ZNF420: variants seen among roughly 807,000 people sequenced by gnomAD.
ZNF420 encodes the protein ATM and p53-associated KZNF protein.
Under a neutral mutation model 44.7 loss-of-function variants are expected in ZNF420, and 31 were observed. The ratio of observed to expected loss-of-function variants is 0.69; its 90% CI spans 0.52 to 0.94. The LOEUF is 0.94. ZNF420 is among the 40% of genes least tolerant of loss of function. ZNF420 has a pLI of 0.00. For missense variants in ZNF420, 681 were observed against 827.9 expected, an observed-to-expected ratio of 0.82 and a Z score of 2.18; for synonymous variants, 245 against 267.4, an observed-to-expected ratio of 0.92 and a Z score of 0.82.
intron 1 of ZNF420, among the ~76,000 whole-genome samples, chr19:37,012,243 T>C (rs1462060900): frequency 6.6e-6 from 1 of 152,168 alleles, no homozygotes; most frequent in African/African-American, 2.4e-5. Flanking sequence ...TGGATCCAGG[T>C]GCCCTCCTAC....
chr19:37,060,551 A>T (rs932922931), intron 1 of ZNF420, among the ~76,000 whole-genome samples: 4 of 152,034 alleles, frequency 2.6e-5, no homozygotes, highest in African/African-American at 9.7e-5. Flanking sequence ...TTCCCAGTCC[A>T]TCAGGGAGAA....
intron 1 of ZNF420, among the ~76,000 whole-genome samples, chr19:37,051,930 C>A (rs1393862019): frequency 6.6e-6 from 1 of 152,156 alleles, no homozygotes; most frequent in African/African-American, 2.4e-5. Flanking sequence ...TTTTTGTTCT[C>A]ATTGGTTTCA....
chr19:37,044,035 T>C (rs1440506374), intron 1 of ZNF420, among the ~76,000 whole-genome samples: 1 of 152,124 alleles, frequency 6.6e-6, no homozygotes, highest in African/African-American at 2.4e-5. Flanking sequence ...TAGTCCCAGT[T>C]TTAAATTTTT....
intron 1 of ZNF420, among the ~76,000 whole-genome samples, chr19:37,045,800 T>C (rs1301309474): frequency 2.0e-5 from 3 of 152,188 alleles, no homozygotes; most frequent in Non-Finnish European, 2.9e-5. Flanking sequence ...CCTAAAACAG[T>C]GGTTGGCCCA....
chr19:37,123,808 G>A (rs183213980), intron 4 of ZNF420, among the ~76,000 whole-genome samples: 4 of 151,088 alleles, frequency 2.6e-5, no homozygotes, highest in South Asian at 2.1e-4. Flanking sequence ...GGGGTTTCAC[G>A]AGTGTTAGCC....
chr19:37,127,120 T>C lies in ZNF420; in HGVS notation c.137-8T>C, dbSNP rs753947570. On this transcript the variant is annotated splice_polypyrimidine_tract_variant and splice_region_variant and intron_variant, in intron 4 of 4. Transcript: ENST00000337995. ...TTCTCAATTTTTTTATTCTCTCTTA[T>C]CTTTCAGACTTGCCTTCAAGGTGTG... is the stretch of plus-strand genomic sequence containing the variant. 3 of 1,456,900 alleles carry C rather than the reference T, an allele frequency of 2.1e-6. No homozygotes were observed. Among genetic ancestry groups the C allele is most frequent in the Non-Finnish European group, 2.7e-6 (3 of 1,102,504 alleles). The allele number at this position is 1,456,900 out of a possible 1,614,324, so 90.2% of individuals were successfully genotyped here.
intron 1 of ZNF420, among the ~76,000 whole-genome samples, chr19:37,039,004 AAAAG>A (rs1245354537): frequency 6.6e-6 from 1 of 151,744 alleles, no homozygotes; most frequent in African/African-American, 2.4e-5. Flanking sequence ...AAAAGAAAAG[AAAAG>A]AAAAAAGATT....
At chr19:37,019,526 A>G (rs1210830271) in intron 1 of ZNF420, among the ~76,000 whole-genome samples, 3 of 151,646 alleles carry the variant, frequency 2.0e-5, no homozygotes, top group Admixed American at 1.3e-4. Flanking sequence ...TGTAATCCCA[A>G]CACTTGGGGA....
chr19:37,096,902 CT>C (rs1320093092), intron 4 of ZNF420, among the ~76,000 whole-genome samples: 422 of 141,916 alleles, frequency 3.0e-3, no homozygotes, highest in East Asian at 0.012. Flanking sequence ...TTTTCTTATT[CT>C]TTTTTTTTTT....
chr19:37,102,016 G>A (rs200474412), intron 4 of ZNF420, among the ~76,000 whole-genome samples: 1 of 152,214 alleles, frequency 6.6e-6, no homozygotes, highest in African/African-American at 2.4e-5. Flanking sequence ...CTAGAGCTTA[G>A]ACTGGGCCCT....
intron 4 of ZNF420, among the ~76,000 whole-genome samples, chr19:37,104,911 T>G (rs1969991646): frequency 6.6e-6 from 1 of 152,240 alleles, no homozygotes; most frequent in South Asian, 2.1e-4. Flanking sequence ...CTTTGTCAGA[T>G]GGGTAGATTG....
At chr19:37,023,611 C>T (rs1774915911) in intron 1 of ZNF420, among the ~76,000 whole-genome samples, 2 of 152,142 alleles carry the variant, frequency 1.3e-5, no homozygotes, top group Admixed American at 6.5e-5. Context: ...GGTGATCCAC[C>T]CCTCTTGGCC....
At chr19:37,094,993 T>C (rs371590973) in intron 4 of ZNF420, among the ~76,000 whole-genome samples, 14 of 152,076 alleles carry the variant, frequency 9.2e-5, no homozygotes, top group African/African-American at 2.9e-4. Flanking sequence ...TCGGTAGGTG[T>C]GGTGGCACAT....
At chr19:37,014,680 A>G (rs1193759909) in intron 1 of ZNF420, among the ~76,000 whole-genome samples, 1 of 152,196 alleles carries the variant, frequency 6.6e-6, no homozygotes, top group African/African-American at 2.4e-5. Flanking sequence ...ATGCGCATGC[A>G]CCAAACGCGA....
upstream of ZNF420, among the ~76,000 whole-genome samples, chr19:37,074,622 A>G (rs563095021): frequency 6.6e-6 from 1 of 152,336 alleles, no homozygotes; most frequent in South Asian, 2.1e-4. Flanking sequence ...TGTGGACTAT[A>G]TATTAGATAA....
chr19:37,103,843 G>GA (rs1341375150), intron 4 of ZNF420, among the ~76,000 whole-genome samples: 3 of 150,780 alleles, frequency 2.0e-5, no homozygotes, highest in Non-Finnish European at 4.4e-5. Flanking sequence ...ATCTTAAAAG[G>GA]AAAAAAAACA....
chr19:37,097,648 A>T (rs867969143), intron 4 of ZNF420, among the ~76,000 whole-genome samples: 5 of 152,110 alleles, frequency 3.3e-5, no homozygotes, highest in South Asian at 2.1e-4. Flanking sequence ...TATATTAAAA[A>T]TTTTTTTGCA....
In ZNF420 at chr19:37,091,006, G is replaced by A. The variant is rs1187700341; in HGVS notation, c.21G>A (p.Met7Ile). The change falls in exon 4 of 5, where the codon ATG (methionine) becomes ATA (isoleucine). Residue 7 changes from methionine to isoleucine, a missense_variant. By Grantham distance (10) the Met-to-Ile change is conservative. Around this residue, in one of 3 missense-constraint regions of ZNF420, gnomAD observed 350 missense variants for 382.5 expected, o/e 0.92. Coordinates refer to ENST00000337995, the MANE Select transcript of ZNF420 (RefSeq NM_144689.5). The stretch of plus-strand genomic sequence containing the variant: ...GTTTGTTGTTTCAGAAATTAGTGAT[G>A]TTCAGGGATGTTGCCATTGACTTCT... MARKLV[M>I]FRDVAIDFSQ... 1.9e-6 allele frequency: 3 copies of A among 1,612,048 alleles called. No individual in the cohort carries two copies. The highest frequency in any genetic ancestry group is 1.7e-5 in the Admixed American group (1 of 59,754).
intron 1 of ZNF420, among the ~76,000 whole-genome samples, chr19:37,027,693 C>G (rs1273410670): frequency 6.6e-6 from 1 of 152,190 alleles, no homozygotes; most frequent in Admixed American, 6.5e-5. Flanking sequence ...GGCCTTTTCA[C>G]ATTGGCTTCT....
Sources: allele counts gnomAD v4.1 joint callset (sites outside exome capture counted in the v4.1 genomes callset), GRCh38; gene constraint gnomAD v4.1.1; regional missense constraint gnomAD v4.1.1; transcripts MANE v1.5; gene names NCBI Gene and HGNC (gene_info 2026-07-23, HGNC 2026-07-21).